HDHD5: variants seen among roughly 807,000 people sequenced by gnomAD.
HDHD5 encodes haloacid dehalogenase-like hydrolase domain-containing 5.
HDHD5 carries 34 observed loss-of-function variants against 35.5 expected under a neutral mutation model. The ratio of observed to expected loss-of-function variants is 0.96; its 90% CI spans 0.73 to 1.28. The LOEUF (loss-of-function observed/expected upper bound fraction) is 1.28, where lower values mean the gene tolerates loss of function less well. Among genes scored for constraint, HDHD5 ranks in the 50% most tolerant of loss-of-function variants. The pLI, the probability that HDHD5 is intolerant of heterozygous loss-of-function variation, is 0.00. For missense variants in HDHD5, 589 were observed against 560.2 expected, an observed-to-expected ratio of 1.05 and a Z score of -0.52; for synonymous variants, 248 against 240.6, an observed-to-expected ratio of 1.03 and a Z score of -0.29.
chr22:17,153,359 T>TCAGTCTC (rs778633504), intron 1 of HDHD5, among the ~76,000 whole-genome samples: 4 of 152,122 alleles, frequency 2.6e-5, no homozygotes, highest in Non-Finnish European at 5.9e-5. Context: ...GATTCAGGAT[T>TCAGTCTC]CAGTCTCAAA....
upstream of HDHD5, chr22:17,159,353 A>G (rs1601407377): frequency 8.6e-7 from 1 of 1,160,336 alleles, no homozygotes; most frequent in Non-Finnish European, 1.1e-6. Flanking sequence ...GCATCACGGG[A>G]GTTGTAGTCC....
chr22:17,154,392 T>C (rs2061761410), intron 1 of HDHD5, among the ~76,000 whole-genome samples: 1 of 136,134 alleles, frequency 7.3e-6, no homozygotes. Context: ...TGAGGCAGAA[T>C]TGCTTGAACT....
chr22:17,141,585 T>G, intron 5 of HDHD5: 7 of 1,084,250 alleles, frequency 6.5e-6, no homozygotes, highest in South Asian at 2.9e-5. Context: ...AGGGCTCCTG[T>G]TCCCTCAGTC....
chr22:17,138,798 C>T (rs938563723), intron 6 of HDHD5, 60 bp from the exon 7 acceptor site: 45 of 1,579,326 alleles, frequency 2.8e-5, no homozygotes, highest in Admixed American at 1.9e-4. Context: ...TTCTAGAGAA[C>T]ACGACTGCCA....
chr22:17,141,507 TG>T, intron 5 of HDHD5: 2 of 1,279,616 alleles, frequency 1.6e-6, no homozygotes, highest in Non-Finnish European at 2.0e-6. Flanking sequence ...AAAAGCAGCA[TG>T]TCTCAGGGCT....
rs1309264824 is a variant in HDHD5, at chr22:17,138,733, C to T, written c.752G>A (p.Gly251Glu). 6.2e-7 allele frequency: 1 copy of T among 1,614,190 alleles called. No homozygotes were observed. ...CAGGCACAGCAGAAAGGTGCCATGT[C>T]CAAACCTGCCAGAAACGAGCACGCA... ...WMAEAKMPRF[G>E]HGTFLLCLET... The change falls in exon 7 of 8, where the codon GGA (glycine) becomes GAA (glutamate). Residue 251 changes from glycine (G) to glutamate (E), a missense_variant. By Grantham distance (98) the Gly-to-Glu change is moderately conservative. Transcript: ENST00000336737.
At chr22:17,165,082 GAGA>G in intron 1 of HDHD5, 1 of 688,542 alleles carries the variant, frequency 1.5e-6, no homozygotes, top group South Asian at 1.5e-5. Flanking sequence ...GGAGAATTCT[GAGA>G]AGGTGGAGTT....
upstream of HDHD5, among the ~76,000 whole-genome samples, chr22:17,160,956 C>T (rs1405779223): frequency 2.0e-5 from 3 of 151,098 alleles, no homozygotes; most frequent in African/African-American, 7.3e-5. Flanking sequence ...TTTTGACAAT[C>T]GGCTCCTCAA....
intron 1 of HDHD5, among the ~76,000 whole-genome samples, chr22:17,156,095 G>A (rs2061786358): frequency 6.6e-6 from 1 of 152,128 alleles, no homozygotes. Flanking sequence ...TTTCTGATAA[G>A]AGTGACACCT....
At chr22:17,156,223 G>A (rs1222301691) in intron 1 of HDHD5, among the ~76,000 whole-genome samples, 4 of 152,170 alleles carry the variant, frequency 2.6e-5, no homozygotes, top group African/African-American at 9.7e-5. Context: ...TGGTGTGAAG[G>A]CAGAAGACAG....
chr22:17,157,333 T>C (rs1033721524), intron 1 of HDHD5, among the ~76,000 whole-genome samples: 9 of 149,508 alleles, frequency 6.0e-5, no homozygotes, highest in African/African-American at 2.2e-4. Context: ...AATGGCCCGA[T>C]CTCCGCTCAC....
At chr22:17,145,506 C>A (rs2123858492) in intron 3 of HDHD5, among the ~76,000 whole-genome samples, 1 of 152,320 alleles carries the variant, frequency 6.6e-6, no homozygotes, top group Non-Finnish European at 1.5e-5. Context: ...GAGTTCCAGC[C>A]AGCATGGGCA....
chr22:17,138,141 T>C lies in HDHD5; in HGVS notation c.1152A>G (p.Pro384=), dbSNP rs1349419215. ...TEPVLGGGEP[P]FHGHRDLCFS... is the part of the protein sequence containing the mutation. ...AGCATAAGTCTCGGTGCCCGTGGAA[T>C]GGAGGCTCCCCTCCTCCAAGGACAG... Residue 384 remains proline (P), a synonymous_variant, in exon 8 of 8, where the codon CCA becomes CCG. Transcript: ENST00000336737. 4 of 1,614,032 alleles carry C rather than the reference T, an allele frequency of 2.5e-6. No homozygotes were observed. Among genetic ancestry groups the C allele is most frequent in the East Asian group, 2.2e-5 (1 of 44,868 alleles).
chr22:17,155,201 A>C (rs1438626232), intron 1 of HDHD5, among the ~76,000 whole-genome samples: 1 of 149,622 alleles, frequency 6.7e-6, no homozygotes, highest in Non-Finnish European at 1.5e-5. Flanking sequence ...TTTAACGGTC[A>C]TTGCCTAAAC....
At chr22:17,156,191 C>T (rs181273662) in intron 1 of HDHD5, among the ~76,000 whole-genome samples, 20 of 152,302 alleles carry the variant, frequency 1.3e-4, no homozygotes, top group Non-Finnish European at 2.4e-4. Flanking sequence ...TGACTGCCCC[C>T]TAAAGACCTT....
chr22:17,142,811 G>A (rs994704050), intron 5 of HDHD5: 1 of 352,758 alleles, frequency 2.8e-6, no homozygotes. Context: ...GGGAGAACTG[G>A]GTTTAAAAGT....
chr22:17,145,243 G>A, intron 3 of HDHD5, 126 bp from the exon 4 acceptor site: 3 of 1,493,436 alleles, frequency 2.0e-6, no homozygotes, highest in Non-Finnish European at 1.8e-6. Flanking sequence ...GCACCAAGCA[G>A]AGCCCAGCAA....
chr22:17,160,107 A>C (rs1003109843), upstream of HDHD5, among the ~76,000 whole-genome samples: 1 of 152,222 alleles, frequency 6.6e-6, no homozygotes, highest in Non-Finnish European at 1.5e-5. Flanking sequence ...GGATGCCCTC[A>C]GATTCTTTGG....
intron 1 of HDHD5, among the ~76,000 whole-genome samples, chr22:17,155,772 C>A (rs1192989930): frequency 6.6e-6 from 1 of 152,122 alleles, no homozygotes; most frequent in African/African-American, 2.4e-5. Context: ...AATACAGTCA[C>A]GCACCATAAC....
Sources: allele counts gnomAD v4.1 joint callset (sites outside exome capture counted in the v4.1 genomes callset), GRCh38; gene constraint gnomAD v4.1.1; transcripts MANE v1.5; gene names NCBI Gene and HGNC (gene_info 2026-07-23, HGNC 2026-07-21).